Variants in KCNIP4 observed in about 807,000 individuals in gnomAD.
KCNIP4 encodes Kv channel-interacting protein 4.
In KCNIP4, 12 loss-of-function variants were observed where a neutral mutation model predicts 34.0. The ratio of observed to expected loss-of-function variants is 0.35; its 90% confidence interval spans 0.23 to 0.57. KCNIP4 has a LOEUF of 0.57. Ranked by LOEUF, KCNIP4 falls within the 20% of genes least tolerant of loss-of-function variation. The probability of loss-of-function intolerance (pLI) is 0.83; values close to 1 mark genes in which losing one functional copy is unlikely to be tolerated. For missense variants in KCNIP4, 238 were observed against 311.7 expected, an observed-to-expected ratio of 0.76 and a Z score of 1.78; for synonymous variants, 124 against 102.2, an observed-to-expected ratio of 1.21 and a Z score of -1.29.
chr4:21,205,637 C>T (rs1756800741), intron 1 of KCNIP4, among the ~76,000 whole-genome samples: 1 of 152,228 alleles, frequency 6.6e-6, no homozygotes. Context: ...CAAATACTAA[C>T]TCCTTTGTTA....
At chr4:21,000,172 C>A (rs576251485) in intron 1 of KCNIP4, among the ~76,000 whole-genome samples, 1 of 152,218 alleles carries the variant, frequency 6.6e-6, no homozygotes, top group African/African-American at 2.4e-5. Context: ...AGCTAACATG[C>A]AAATGATTAG....
intron 1 of KCNIP4, among the ~76,000 whole-genome samples, chr4:21,010,100 G>A (rs946228777): frequency 1.3e-5 from 2 of 152,064 alleles, no homozygotes; most frequent in African/African-American, 2.4e-5. Flanking sequence ...CCTCATACTC[G>A]AGGTTAGGAC....
chr4:20,882,991 A>G (rs1322123760), intron 1 of KCNIP4, among the ~76,000 whole-genome samples: 2 of 145,928 alleles, frequency 1.4e-5, no homozygotes, highest in African/African-American at 5.1e-5. Flanking sequence ...AAAAAAAGCC[A>G]CCAAAAAAAT....
chr4:21,836,104 C>G (rs1723303662), intron 1 of KCNIP4, among the ~76,000 whole-genome samples: 1 of 152,214 alleles, frequency 6.6e-6, no homozygotes, highest in East Asian at 1.9e-4. Context: ...GGCACACCAC[C>G]CCTAAATTAC....
At chr4:21,147,579 A>T (rs1032585074) in intron 1 of KCNIP4, among the ~76,000 whole-genome samples, 1 of 151,978 alleles carries the variant, frequency 6.6e-6, no homozygotes, top group Non-Finnish European at 1.5e-5. Flanking sequence ...ATTTACTCCT[A>T]ATTTCTTTCA....
At chr4:21,337,827 TAAGC>T (rs1375287263) in intron 1 of KCNIP4, among the ~76,000 whole-genome samples, 2 of 152,194 alleles carry the variant, frequency 1.3e-5, no homozygotes, top group Admixed American at 6.5e-5. Context: ...AATATTAATT[TAAGC>T]AAGTTATTTA....
intron 1 of KCNIP4, among the ~76,000 whole-genome samples, chr4:20,907,092 T>C (rs1727849426): frequency 1.3e-5 from 2 of 152,138 alleles, no homozygotes. Context: ...GGTAAGAAAA[T>C]GATGCTACCT....
chr4:21,353,031 T>C (rs1718178295), intron 1 of KCNIP4, among the ~76,000 whole-genome samples: 1 of 152,014 alleles, frequency 6.6e-6, no homozygotes, highest in Non-Finnish European at 1.5e-5. Flanking sequence ...TCCAGCAAAC[T>C]CCAACAGACC....
At chr4:20,933,049 C>A (rs1577389008) in intron 1 of KCNIP4, among the ~76,000 whole-genome samples, 1 of 151,976 alleles carries the variant, frequency 6.6e-6, no homozygotes, top group African/African-American at 2.4e-5. Context: ...AGTTCAAGAC[C>A]AGCCTGGCCA....
chr4:21,454,073 A>G (rs997340150), intron 1 of KCNIP4, among the ~76,000 whole-genome samples: 43 of 152,236 alleles, frequency 2.8e-4, no homozygotes, highest in African/African-American at 9.9e-4. Context: ...CAGTTGGCCC[A>G]GCTAGAATAC....
intron 1 of KCNIP4, among the ~76,000 whole-genome samples, chr4:21,239,853 A>T (rs1229247532): frequency 1.3e-5 from 2 of 152,146 alleles, no homozygotes; most frequent in East Asian, 3.9e-4. Context: ...ATACCATTTG[A>T]CCCAGCCATC....
At chr4:21,845,680 C>T (rs1437682154) in intron 1 of KCNIP4, 1 of 152,008 alleles carries the variant, frequency 6.6e-6, no homozygotes, top group Non-Finnish European at 1.5e-5. Context: ...AGGTGAAAAA[C>T]TTAACCCTTT....
chr4:20,864,104 G>A (rs1219627946), intron 2 of KCNIP4, among the ~76,000 whole-genome samples: 1 of 144,330 alleles, frequency 6.9e-6, no homozygotes, highest in East Asian at 2.0e-4. Flanking sequence ...GTATACGTAT[G>A]TATGTATACA....
intron 1 of KCNIP4, among the ~76,000 whole-genome samples, chr4:21,232,254 C>G (rs1307695233): frequency 6.6e-6 from 1 of 152,032 alleles, no homozygotes; most frequent in Non-Finnish European, 1.5e-5. Context: ...GTTGTGCACA[C>G]AGAAGAGAAA....
At chr4:21,809,482 A>G (rs1490288912) in intron 1 of KCNIP4, among the ~76,000 whole-genome samples, 2 of 152,202 alleles carry the variant, frequency 1.3e-5, no homozygotes, top group Admixed American at 6.5e-5. Context: ...CCCATAATGC[A>G]TAAATTAAAC....
chr4:20,743,092 G>A (rs566465152), intron 5 of KCNIP4, among the ~76,000 whole-genome samples: 5 of 151,582 alleles, frequency 3.3e-5, no homozygotes, highest in South Asian at 4.2e-4. Context: ...TGTGAACTAC[G>A]AACCACTGCT....
At chr4:21,438,015 G>C (rs1219263499) in intron 1 of KCNIP4, among the ~76,000 whole-genome samples, 1 of 151,524 alleles carries the variant, frequency 6.6e-6, no homozygotes, top group Non-Finnish European at 1.5e-5. Flanking sequence ...CCAGCAATAA[G>C]TTCTCTGAGT....
intron 3 of KCNIP4, among the ~76,000 whole-genome samples, chr4:20,848,209 G>T (rs144902050): frequency 5.3e-5 from 8 of 151,984 alleles, no homozygotes; most frequent in African/African-American, 1.9e-4. Flanking sequence ...GCATATTCAG[G>T]TCTGATGGAA....
intron 1 of KCNIP4, among the ~76,000 whole-genome samples, chr4:21,455,559 G>A (rs1388178570): frequency 2.7e-5 from 4 of 150,296 alleles, no homozygotes; most frequent in Admixed American, 2.0e-4. Context: ...TAGATATGTA[G>A]TTTTATCAGA....
Sources: gnomAD v4.1 joint callset for allele counts (sites outside exome capture counted in the v4.1 genomes callset) on GRCh38, gnomAD v4.1.1 for gene constraint, MANE v1.5 for transcripts, NCBI Gene and HGNC (gene_info 2026-07-23, HGNC 2026-07-21) for gene names.